The following TBC1D1 variants were observed in gnomAD, a reference collection of about 807,000 sequenced individuals.
TBC1D1 encodes the protein TBC1 (tre-2/USP6, BUB2, cdc16) domain family, member 1.
A neutral mutation model predicts 125.6 loss-of-function variants in TBC1D1; 89 were observed. That is an observed-to-expected ratio of 0.71 (90% CI 0.60 to 0.85). TBC1D1 has a LOEUF of 0.85. TBC1D1 is among the 40% of genes least tolerant of loss of function. The probability of loss-of-function intolerance (pLI) is 0.00; values close to 1 mark genes in which losing one functional copy is unlikely to be tolerated. For synonymous variants in TBC1D1, 565 were observed against 564.1 expected (o/e 1.00, Z -0.02); for missense variants, 1,377 against 1,469.2 (o/e 0.94, Z 1.03).
chr4:38,038,611 T>C (rs1289447127), intron 8 of TBC1D1, among the ~76,000 whole-genome samples: 1 of 152,208 alleles, frequency 6.6e-6, no homozygotes, highest in African/African-American at 2.4e-5. Context: ...TTTTGACCAC[T>C]GCTGCTACAT....
chr4:37,905,376 A>G (rs1001162386), intron 2 of TBC1D1, among the ~76,000 whole-genome samples: 8 of 152,252 alleles, frequency 5.3e-5, no homozygotes, highest in Non-Finnish European at 1.2e-4. Flanking sequence ...CCATGTTTAT[A>G]CAGTCTTTTA....
At chr4:38,015,367 T>C (rs1742482487) in intron 3 of TBC1D1, among the ~76,000 whole-genome samples, 1 of 152,232 alleles carries the variant, frequency 6.6e-6, no homozygotes, top group Non-Finnish European at 1.5e-5. Flanking sequence ...TATGAAACAT[T>C]TACCCTTTGC....
intron 12 of TBC1D1, among the ~76,000 whole-genome samples, chr4:38,080,981 G>A (rs898644844): frequency 1.3e-5 from 2 of 152,324 alleles, no homozygotes; most frequent in Admixed American, 1.3e-4. Context: ...TGAAGTATAT[G>A]TGAAGTTTTA....
chr4:37,958,929 G>A (rs1008479979), intron 2 of TBC1D1, among the ~76,000 whole-genome samples: 1 of 152,114 alleles, frequency 6.6e-6, no homozygotes, highest in Non-Finnish European at 1.5e-5. Flanking sequence ...TCTTCCACTG[G>A]CACATCATAT....
chr4:37,974,177 AG>A (rs1023720117), intron 2 of TBC1D1, among the ~76,000 whole-genome samples: 7 of 152,340 alleles, frequency 4.6e-5, no homozygotes, highest in Admixed American at 2.6e-4. Flanking sequence ...GTGAGAGAAT[AG>A]TACTTCCCTA....
intron 2 of TBC1D1, among the ~76,000 whole-genome samples, chr4:37,942,989 A>G (rs1165625141): frequency 2.0e-5 from 3 of 151,862 alleles, no homozygotes; most frequent in African/African-American, 7.3e-5. Context: ...GTTCCTTTCC[A>G]TGTTTAGTGC....
At chr4:37,940,576 G>A (rs181368231) in intron 2 of TBC1D1, among the ~76,000 whole-genome samples, 34 of 152,302 alleles carry the variant, frequency 2.2e-4, no homozygotes, top group African/African-American at 7.9e-4. Flanking sequence ...CAAGAGTGGT[G>A]AGAGAGGGCA....
intron 17 of TBC1D1, among the ~76,000 whole-genome samples, chr4:38,124,547 CAG>C (rs1040348966): frequency 1.1e-4 from 17 of 152,286 alleles, no homozygotes; most frequent in Non-Finnish European, 1.6e-4. Flanking sequence ...TGTTTCAAAA[CAG>C]AGGAAACAGA....
chr4:38,018,804 A>C (rs947740416), intron 4 of TBC1D1, among the ~76,000 whole-genome samples: 1 of 152,080 alleles, frequency 6.6e-6, no homozygotes. Context: ...TTTATTAGAT[A>C]TATTTCTACT....
At chr4:37,896,765 T>A (rs1714726596) in intron 1 of TBC1D1, among the ~76,000 whole-genome samples, 1 of 151,366 alleles carries the variant, frequency 6.6e-6, no homozygotes. Context: ...AGAATCTAGT[T>A]GCCTCATTTC....
intron 2 of TBC1D1, among the ~76,000 whole-genome samples, chr4:37,959,479 G>A (rs943772141): frequency 6.6e-6 from 1 of 152,190 alleles, no homozygotes; most frequent in Non-Finnish European, 1.5e-5. Context: ...GGTTGGTCTT[G>A]CAGTCTCAGA....
chr4:38,061,453 A>G (rs1752750599), intron 12 of TBC1D1, among the ~76,000 whole-genome samples: 1 of 152,216 alleles, frequency 6.6e-6, no homozygotes, highest in African/African-American at 2.4e-5. Flanking sequence ...CATTTTATTT[A>G]CCTCTATGTG....
Position 38,138,611 on chromosome 4 carries a change from C to T in TBC1D1, c.*1276C>T, listed in dbSNP as rs1455308053. 1 of 152,656 alleles carries T rather than the reference C, an allele frequency of 6.6e-6. No homozygotes were observed. Among genetic ancestry groups the T allele is most frequent in the East Asian group, 1.9e-4 (1 of 5,202 alleles). The allele number at this position is 152,656 out of a possible 1,614,324, so 9.5% of individuals were successfully genotyped here. A position where few individuals can be genotyped will look rare whatever the true frequency, so the allele number is the denominator to read the frequency against. ...TGCTCACGGTTGTCCTGCTTGCAGC[C>T]AGTCACTGTGTAAAGCCTCTCTGAT... is the stretch of plus-strand genomic sequence containing the variant. On this transcript the variant is annotated 3_prime_UTR_variant, in exon 20 of 20. Transcript: ENST00000261439.
intron 7 of TBC1D1, among the ~76,000 whole-genome samples, chr4:38,028,134 A>C (rs115796239): frequency 0.023 from 3,534 of 151,662 alleles, 58 homozygotes; most frequent in South Asian, 0.053. Context: ...AACAAACAAA[A>C]AAAACAGCAA....
At position 38,031,405 on chromosome 4, in the gene TBC1D1, T is replaced by C. The variant is rs185782850; in HGVS notation, c.1302+3526T>C. ...TATATCAGCTTAGTTGGATTTTGCA[T>C]GGTTTTAAAATGATGTTAGACTGTA... On this transcript the variant is annotated intron_variant, in intron 7 of 19. Transcript: ENST00000261439. Among the ~76,000 whole-genome samples, 6 of 152,324 alleles carry C rather than the reference T, an allele frequency of 3.9e-5. No individual in the cohort carries two copies. The East Asian group carries it at 1.2e-3, about 29-fold the overall frequency.
intron 17 of TBC1D1, among the ~76,000 whole-genome samples, chr4:38,120,864 T>C (rs1046714986): frequency 2.0e-5 from 3 of 152,168 alleles, no homozygotes; most frequent in Admixed American, 2.0e-4. Context: ...AGGACCTGGC[T>C]TGCTCCTGAT....
intron 12 of TBC1D1, among the ~76,000 whole-genome samples, chr4:38,062,142 G>A (rs776235534): frequency 1.3e-5 from 2 of 152,080 alleles, no homozygotes; most frequent in Admixed American, 6.5e-5. Context: ...TTGCTGCCAC[G>A]TTGAGAGGGT....
Position 38,044,451 on chromosome 4 carries a change from G to A in TBC1D1, c.1503G>A (p.Lys501=), listed in dbSNP as rs529086284. 6.2e-7 allele frequency: 1 copy of A among 1,613,566 alleles called. No homozygotes were observed. Among genetic ancestry groups the A allele is most frequent in the African/African-American group, 1.3e-5 (1 of 75,036 alleles). ...TAGATATGCTGAAAAACAAAGCAAA[G>A]AGATCTTTAACAGAGTCTTTAGAAA... Residue 501 remains lysine, a synonymous_variant, in exon 9 of 20, where the codon AAG becomes AAA. Transcript: ENST00000261439.
At chr4:37,913,143 C>T (rs75816754) in intron 2 of TBC1D1, among the ~76,000 whole-genome samples, 2,667 of 152,178 alleles carry the variant, frequency 0.018, 83 homozygotes, top group African/African-American at 0.061. Context: ...CCCCTCAATA[C>T]CCAACAGAGT....
Sources: gnomAD v4.1 joint callset for allele counts (sites outside exome capture counted in the v4.1 genomes callset) on GRCh38, gnomAD v4.1.1 for gene constraint, MANE v1.5 for transcripts, NCBI Gene and HGNC (gene_info 2026-07-23, HGNC 2026-07-21) for gene names.